SLC31A1: variants seen among roughly 807,000 people sequenced by gnomAD.
The protein encoded by SLC31A1 is solute carrier family 31 member 1.
A neutral mutation model predicts 17.2 loss-of-function variants in SLC31A1; 5 were observed. The observed-to-expected ratio is 0.29, with a 90% CI of 0.15 to 0.61. The LOEUF (loss-of-function observed/expected upper bound fraction) is 0.61, where lower values mean the gene tolerates loss of function less well. Among genes scored for constraint, SLC31A1 ranks in the 20% least tolerant of loss-of-function variants. The probability of loss-of-function intolerance (pLI) is 0.86; values close to 1 mark genes in which losing one functional copy is unlikely to be tolerated. For missense variants in SLC31A1, 161 were observed against 241.4 expected (o/e 0.67, Z 2.21); for synonymous variants, 76 against 78.8 (o/e 0.96, Z 0.19).
chr9:113,237,614 C>T (rs1181620155), intron 1 of SLC31A1, among the ~76,000 whole-genome samples: 1 of 152,198 alleles, frequency 6.6e-6, no homozygotes, highest in Non-Finnish European at 1.5e-5. Flanking sequence ...CAGAATCAGG[C>T]TTCTAATGAT....
chr9:113,235,130 G>A (rs1289450057), intron 1 of SLC31A1, among the ~76,000 whole-genome samples: 1 of 151,020 alleles, frequency 6.6e-6, no homozygotes, highest in African/African-American at 2.4e-5. Flanking sequence ...AAGAACCTTT[G>A]CAAATCAGTA....
At position 113,263,707 on chromosome 9, in the gene SLC31A1, C is replaced by A. The variant is rs1404329785; in HGVS notation, c.*3234C>A. On this transcript the variant is annotated 3_prime_UTR_variant, in exon 5 of 5. Coordinates refer to ENST00000374212, the MANE Select transcript of SLC31A1 (RefSeq NM_001859.4). ...CATGCTTCAAGAGGCAGTTGACCCA[C>A]TGGAATTTCTATAAGGCTGGTACCC... The A allele has an allele frequency of 1.3e-5, 2 of 152,646 alleles. No homozygotes were observed. Among genetic ancestry groups the A allele is most frequent in the Admixed American group, 1.3e-4 (2 of 15,280 alleles). 9.5% of individuals were successfully genotyped at this position (152,646 alleles called of 1,614,324 possible). A position where few individuals can be genotyped will look rare whatever the true frequency, so the allele number is the denominator to read the frequency against.
At chr9:113,249,513 C>T (rs1017539280) in intron 1 of SLC31A1, among the ~76,000 whole-genome samples, 18 of 151,850 alleles carry the variant, frequency 1.2e-4, no homozygotes, top group Admixed American at 1.3e-4. Context: ...ATTACAGGCA[C>T]GCACCACCAT....
In SLC31A1 at chr9:113,257,920, G is replaced by T. The variant is rs991912510; in HGVS notation, c.202+735G>T. Among the ~76,000 whole-genome samples the T allele has an allele frequency of 2.0e-5, 3 of 152,190 alleles. No individual in the cohort carries two copies. In the South Asian group the frequency reaches 6.2e-4, roughly 32 times the overall value. Reference sequence around the variant, plus strand: ...CAATAAATTAAGTGCCACAAATTGTGAAATGACTCGCCATCAATCATAGAG... The same window carrying T: ...CAATAAATTAAGTGCCACAAATTGTTAAATGACTCGCCATCAATCATAGAG... On this transcript the variant is annotated intron_variant, in intron 3 of 4. Coordinates refer to ENST00000374212, the MANE Select transcript of SLC31A1 (RefSeq NM_001859.4).
rs574651338 is a variant in SLC31A1, at chr9:113,263,315, G to A, written c.*2842G>A. ...GAGATTCTTAGACTGGCTGCCAAAGGATGAAGCTAGTGAAGGAGAAAAAGC... is the reference window on the plus strand; with the variant it reads ...GAGATTCTTAGACTGGCTGCCAAAGAATGAAGCTAGTGAAGGAGAAAAAGC... On this transcript the variant is annotated 3_prime_UTR_variant, in exon 5 of 5. Coordinates refer to ENST00000374212, the MANE Select transcript of SLC31A1 (RefSeq NM_001859.4). 9 of 152,334 alleles carry A rather than the reference G, an allele frequency of 5.9e-5. No homozygotes were observed. The South Asian group carries it at 1.7e-3, about 28-fold the overall frequency. The allele number at this position is 152,334 out of a possible 1,614,324, so 9.4% of individuals were successfully genotyped here. A position where few individuals can be genotyped will look rare whatever the true frequency, so the allele number is the denominator to read the frequency against.
At chr9:113,256,467 G>T in intron 2 of SLC31A1, 190 bp downstream of exon 2, 2 of 532,874 alleles carry the variant, frequency 3.8e-6, no homozygotes, top group Non-Finnish European at 6.4e-6. Context: ...AGTCACACCA[G>T]AACCAAGATT....
At chr9:113,227,636 A>T (rs1477236396) in intron 1 of SLC31A1, 1 of 152,084 alleles carries the variant, frequency 6.6e-6, no homozygotes, top group Non-Finnish European at 1.5e-5. Flanking sequence ...GCATTTTCCT[A>T]CTGAATAAAA....
At chr9:113,229,620 A>G (rs914323175) in intron 1 of SLC31A1, among the ~76,000 whole-genome samples, 1 of 152,220 alleles carries the variant, frequency 6.6e-6, no homozygotes, top group Admixed American at 6.5e-5. Flanking sequence ...CTTTGTACAT[A>G]CACATTTCAC....
In SLC31A1 at chr9:113,248,462, CTTTTTTTTTTTTTTTT is replaced by C. The variant is rs34154634; in HGVS notation, c.-35-7643_-35-7628del. 3.5e-5 allele frequency among the ~76,000 whole-genome samples: 3 copies of C among 86,552 alleles called. No individual in the cohort carries two copies. The Admixed American group carries it at 4.5e-4, about 13-fold the overall frequency. The allele number at this position is 86,552 out of a possible 152,430, so 56.8% of individuals were successfully genotyped here. On this transcript the variant is annotated intron_variant, in intron 1 of 4. Coordinates refer to ENST00000374212, the MANE Select transcript of SLC31A1 (RefSeq NM_001859.4). ...GGCAGAAAGATACTTGAAAGCAGTC[CTTTTTTTTTTTTTTTT>C]TTTTTTTTGAAACAGAGTTTTGCTC...
At chr9:113,229,948 A>C (rs1024195541) in intron 1 of SLC31A1, among the ~76,000 whole-genome samples, 4 of 152,176 alleles carry the variant, frequency 2.6e-5, no homozygotes, top group Non-Finnish European at 5.9e-5. Context: ...TATTCAAGCT[A>C]TTTGCAAGGT....
chr9:113,249,321 A>ATTTTT (rs1831619781), intron 1 of SLC31A1, among the ~76,000 whole-genome samples: 1 of 149,346 alleles, frequency 6.7e-6, no homozygotes, highest in Admixed American at 6.7e-5. Flanking sequence ...AAAAAAGTAA[A>ATTTTT]TGAAAGGGCA....
At chr9:113,255,116 G>A (rs1269572676) in intron 1 of SLC31A1, among the ~76,000 whole-genome samples, 4 of 152,140 alleles carry the variant, frequency 2.6e-5, no homozygotes, top group African/African-American at 4.8e-5. Flanking sequence ...AGCACACTGC[G>A]TGCCTAGGGC....
intron 2 of SLC31A1, among the ~76,000 whole-genome samples, chr9:113,256,721 C>A (rs770782383): frequency 5.4e-4 from 82 of 152,082 alleles, no homozygotes; most frequent in Non-Finnish European, 9.9e-4. Context: ...ATTAGCTGGG[C>A]ATGATGGCAT....
chr9:113,260,632 A>G lies in SLC31A1; in HGVS notation c.*159A>G. On this transcript the variant is annotated 3_prime_UTR_variant, in exon 5 of 5. Transcript: ENST00000374212. ...ACACACCCCTGCTCAACAGAGGTTT[A>G]GTTTACAGTCTCTGAACTAAAGTAG... 1 of 693,372 alleles carries G rather than the reference A, an allele frequency of 1.4e-6. No individual in the cohort carries two copies. Among genetic ancestry groups the G allele is most frequent in the African/African-American group, 1.8e-5 (1 of 56,150 alleles). 43.0% of individuals were successfully genotyped at this position (693,372 alleles called of 1,614,324 possible).
chr9:113,251,068 C>T (rs1831646661), intron 1 of SLC31A1, among the ~76,000 whole-genome samples: 1 of 152,168 alleles, frequency 6.6e-6, no homozygotes, highest in African/African-American at 2.4e-5. Context: ...AATTACCCAG[C>T]CTGAGGTATT....
chr9:113,256,987 C>T, intron 2 of SLC31A1, 126 bp from the exon 3 acceptor site: 1 of 803,620 alleles, frequency 1.2e-6, no homozygotes, highest in Non-Finnish European at 2.2e-6. Flanking sequence ...GCAAAAGCCT[C>T]CCACTCACGT....
At chr9:113,223,193 G>A in intron 1 of SLC31A1, 1 of 438,462 alleles carries the variant, frequency 2.3e-6, no homozygotes, top group Non-Finnish European at 4.6e-6. Flanking sequence ...CCTTTTTGGT[G>A]ATTGGAACAT....
chr9:113,237,718 A>G (rs1015192348), intron 1 of SLC31A1, among the ~76,000 whole-genome samples: 4 of 152,190 alleles, frequency 2.6e-5, no homozygotes, highest in Admixed American at 6.5e-5. Context: ...TTCTTGTTTA[A>G]TCTAGGCCTA....
chr9:113,234,173 A>G (rs537344120), intron 1 of SLC31A1, among the ~76,000 whole-genome samples: 17 of 151,926 alleles, frequency 1.1e-4, no homozygotes, highest in Admixed American at 4.6e-4. Context: ...ATGACTGAGA[A>G]CATGCAATAT....
Sources: gnomAD v4.1 joint callset for allele counts (sites outside exome capture counted in the v4.1 genomes callset) on GRCh38, gnomAD v4.1.1 for gene constraint, MANE v1.5 for transcripts, NCBI Gene and HGNC (gene_info 2026-07-23, HGNC 2026-07-21) for gene names.